The following MAP7D3 variants were observed in gnomAD, a reference collection of about 807,000 sequenced individuals.
MAP7D3 encodes MAP7 domain-containing protein 3.
In MAP7D3, 45 loss-of-function variants were observed where a neutral mutation model predicts 62.2. The ratio of observed to expected loss-of-function variants is 0.72; its 90% CI spans 0.57 to 0.93. MAP7D3 has a LOEUF of 0.93. Ranked by LOEUF, MAP7D3 falls within the 40% of genes least tolerant of loss-of-function variation. The pLI, the probability that MAP7D3 is intolerant of heterozygous loss-of-function variation, is 0.00. For synonymous variants in MAP7D3, 288 were observed against 248.8 expected (o/e 1.16, Z -1.48); for missense variants, 711 against 683.1 (o/e 1.04, Z -0.45).
intron 7 of MAP7D3, 89 bp downstream of exon 7, chrX:136,236,155 T>C: frequency 3.4e-6 from 2 of 593,437 alleles, no homozygotes; most frequent in Non-Finnish European, 5.3e-6. Flanking sequence ...GGCTTCCAAT[T>C]TTGGGAATGA....
chrX:136,240,037 C>T (rs1009972145), intron 6 of MAP7D3, among the ~76,000 whole-genome samples: 11 of 110,517 alleles, frequency 1.0e-4, no homozygotes, highest in Non-Finnish European at 1.5e-4. Flanking sequence ...GGTGAAACCC[C>T]GTCTCTACCA....
chrX:136,240,855 A>G (rs935792253), intron 5 of MAP7D3, among the ~76,000 whole-genome samples: 6 of 112,487 alleles, frequency 5.3e-5, no homozygotes, highest in African/African-American at 1.6e-4. Flanking sequence ...ATAGTAGACA[A>G]GGCAGACTTA....
At position 136,251,310 on chromosome X, in the gene MAP7D3, T is replaced by A; in HGVS notation, c.49A>T (p.Arg17Ter). ...TCACCCATCCGTGCCCGCAGCTCTC[T>A]CAAGGATGGGCTGCCGCCAGCGCCA... ...AAGAGGSPSL[R>*]ELRARMVAAA... Residue 17 changes from arginine (R) to a stop codon, truncating the protein, a stop_gained, in exon 1 of 19, where the codon AGA becomes TGA. Transcript: ENST00000316077. LOFTEE classifies it high-confidence loss of function. The A allele has an allele frequency of 8.8e-7, 1 of 1,130,731 alleles. No individual in the cohort carries two copies. Among genetic ancestry groups the A allele is most frequent in the Non-Finnish European group, 1.2e-6 (1 of 861,242 alleles). The allele number at this position is 1,130,731 out of a possible 1,213,427, so 93.2% of individuals were successfully genotyped here. A position where few individuals can be genotyped will look rare whatever the true frequency, so the allele number is the denominator to read the frequency against.
chrX:136,227,447 T>C lies in MAP7D3; in HGVS notation c.1887-16A>G. 1 of 1,152,603 alleles carries C rather than the reference T, an allele frequency of 8.7e-7. No individual in the cohort carries two copies. Among genetic ancestry groups the C allele is most frequent in the Non-Finnish European group, 1.2e-6 (1 of 849,026 alleles). 95.0% of individuals were successfully genotyped at this position (1,152,603 alleles called of 1,213,427 possible). On this transcript the variant is annotated splice_polypyrimidine_tract_variant and intron_variant, in intron 11 of 18. Transcript: ENST00000316077. Reference sequence around the variant, plus strand: ...CTTAATGACCCTGAGAGTATTTAAATAATTGTTAGTATTTATCTTGATTGC... The same window carrying C: ...CTTAATGACCCTGAGAGTATTTAAACAATTGTTAGTATTTATCTTGATTGC...
chrX:136,228,955 G>A, intron 10 of MAP7D3, 197 bp from the exon 11 acceptor site: 1 of 271,114 alleles, frequency 3.7e-6, no homozygotes, highest in Non-Finnish European at 6.4e-6. Context: ...GAAGCATTTT[G>A]TTTCTTTTTA....
intron 6 of MAP7D3, among the ~76,000 whole-genome samples, chrX:136,240,020 C>A (rs1344614643): frequency 2.7e-5 from 3 of 110,896 alleles, no homozygotes; most frequent in African/African-American, 9.9e-5. Context: ...ACCAGCCTGG[C>A]CAACATGGTG....
In MAP7D3 at chrX:136,227,371, G is replaced by A; in HGVS notation, c.1947C>T (p.His649=). The stretch of plus-strand genomic sequence containing the variant: ...GTTGCTGCCCATCTTTGAGTTTCAA[G>A]TGGTCTTCTGCTTGGCCTCCAACTG... ...KEAVGGQAED[H]LKLKDGQQQN... Residue 649 remains histidine (H), a synonymous_variant, in exon 12 of 19, where the codon CAC becomes CAT. Coordinates refer to ENST00000316077, the MANE Select transcript of MAP7D3 (RefSeq NM_024597.4). 8.3e-7 allele frequency: 1 copy of A among 1,198,772 alleles called. No homozygotes were observed. The highest frequency in any genetic ancestry group is 1.1e-6 in the Non-Finnish European group (1 of 886,375).
In MAP7D3 at chrX:136,222,462, T is replaced by G; in HGVS notation, c.2218A>C (p.Ile740Leu). Residue 740 changes from isoleucine (I) to leucine (L), a missense_variant, in exon 15 of 19, where the codon ATA (isoleucine) becomes CTA (leucine). By Grantham distance (5) the Ile-to-Leu change is conservative. Transcript: ENST00000316077. The part of the protein sequence containing the change: ...SKVTETSSHD[I>L]YEEAEADNEE... ...TTGTCAGCCTCAGCCTCTTCATATATGTCATGGCTGGATGTTTCTGTGACC... is the reference window on the plus strand; with the variant it reads ...TTGTCAGCCTCAGCCTCTTCATATAGGTCATGGCTGGATGTTTCTGTGACC... 2 of 1,205,243 alleles carry G rather than the reference T, an allele frequency of 1.7e-6. No homozygotes were observed. The highest frequency in any genetic ancestry group is 2.2e-6 in the Non-Finnish European group (2 of 889,788).
At chrX:136,234,239 G>C (rs946099226) in intron 7 of MAP7D3, among the ~76,000 whole-genome samples, 2 of 107,660 alleles carry the variant, frequency 1.9e-5, no homozygotes, top group South Asian at 4.0e-4. Context: ...ATTACTGGGT[G>C]GGGGGGGTGG....
upstream of MAP7D3, among the ~76,000 whole-genome samples, chrX:136,251,745 T>C (rs2074516457): frequency 9.0e-6 from 1 of 111,355 alleles, no homozygotes; most frequent in African/African-American, 3.3e-5. Context: ...ATTTACGGCG[T>C]GCCTCCTGGG....
intron 4 of MAP7D3, among the ~76,000 whole-genome samples, chrX:136,243,012 T>C (rs745562825): frequency 6.2e-4 from 69 of 110,489 alleles, no homozygotes; most frequent in African/African-American, 2.2e-3. Context: ...TAGTACACCA[T>C]GGATGGGGAA....
rs779659408 is a variant in MAP7D3, at chrX:136,232,184, G to C, written c.773C>G (p.Thr258Ser). The C allele has an allele frequency of 8.3e-7, 1 of 1,203,110 alleles. No homozygotes were observed. Among genetic ancestry groups the C allele is most frequent in the African/African-American group, 1.7e-5 (1 of 57,176 alleles). Residue 258 changes from threonine to serine, a missense_variant, in exon 8 of 19, where the codon ACT becomes AGT. Thr to Ser is a moderately conservative substitution (Grantham distance 58, BLOSUM62 1). Transcript: ENST00000316077. ...GCTAGTACATTTACGCAAGGGTACA[G>C]TGACATACTGCATTACATAATTGGT... ...GVTNYVMQYV[T>S]VPLRKCTSDE...
upstream of MAP7D3, chrX:136,251,525 A>C: frequency 1.2e-6 from 1 of 840,604 alleles, no homozygotes; most frequent in Non-Finnish European, 1.4e-6. Flanking sequence ...CGAACCGGGC[A>C]GGATTGCCCC....
At chrX:136,222,692 A>AGTCT (rs1472476967) in intron 14 of MAP7D3, among the ~76,000 whole-genome samples, 1 of 111,696 alleles carries the variant, frequency 9.0e-6, no homozygotes, top group African/African-American at 3.3e-5. Context: ...TTTAGCTAGG[A>AGTCT]AGACATTCAA....
intron 3 of MAP7D3, 77 bp from the exon 4 acceptor site, chrX:136,244,872 G>A: frequency 5.5e-6 from 4 of 728,906 alleles, no homozygotes; most frequent in Non-Finnish European, 8.0e-6. Flanking sequence ...ACACACAGAA[G>A]GAAAAAGTTA....
chrX:136,256,311 G>A (rs372476251), upstream of MAP7D3: 276 of 1,152,885 alleles, frequency 2.4e-4, no homozygotes, highest in African/African-American at 3.4e-3. Context: ...TACCTCGGGG[G>A]CTGGTCATGT....
intron 10 of MAP7D3, among the ~76,000 whole-genome samples, chrX:136,229,971 A>G (rs1206153584): frequency 6.6e-4 from 39 of 59,443 alleles, no homozygotes; most frequent in Non-Finnish European, 1.1e-3. Context: ...GTGTATATAT[A>G]TATATATATA....
At chrX:136,215,325 G>A (rs1000999865), downstream of MAP7D3, among the ~76,000 whole-genome samples, 3 of 111,590 alleles carry the variant, frequency 2.7e-5, no homozygotes, top group African/African-American at 6.5e-5. Context: ...ATTGTTGCCT[G>A]AGCTCGGCCT....
At chrX:136,229,703 A>G (rs1241379922) in intron 10 of MAP7D3, among the ~76,000 whole-genome samples, 1 of 15,821 alleles carries the variant, frequency 6.3e-5, no homozygotes, top group East Asian at 3.4e-3. Context: ...CTCTCATCCG[A>G]CCTGTGCTTT....
Sources: allele counts gnomAD v4.1 joint callset (sites outside exome capture counted in the v4.1 genomes callset), GRCh38; gene constraint gnomAD v4.1.1; transcripts MANE v1.5; gene names NCBI Gene and HGNC (gene_info 2026-07-23, HGNC 2026-07-21).